Variants in FMO3 observed in about 807,000 individuals in gnomAD.
FMO3 encodes the protein flavin-containing monooxygenase 3.
A neutral mutation model predicts 39.4 loss-of-function variants in FMO3; 40 were observed. The ratio of observed to expected loss-of-function variants is 1.02; its 90% confidence interval spans 0.79 to 1.32. The LOEUF (loss-of-function observed/expected upper bound fraction) is 1.32. FMO3 is among the 40% of genes most tolerant of loss of function. The pLI is 0.00. For missense variants in FMO3, 680 were observed against 651.8 expected (o/e 1.04, Z -0.47); for synonymous variants, 219 against 228.8 (o/e 0.96, Z 0.39).
At chr1:171,096,089 TA>T (rs1655015181) in intron 2 of FMO3, among the ~76,000 whole-genome samples, 2 of 46,262 alleles carry the variant, frequency 4.3e-5, no homozygotes, top group Admixed American at 3.5e-4. Context: ...TAATATATAT[TA>T]ATATTTTTAT....
At chr1:171,100,861 G>C in intron 2 of FMO3, 1 of 279,282 alleles carries the variant, frequency 3.6e-6, no homozygotes, top group Non-Finnish European at 7.2e-6. Context: ...TTACTTACAA[G>C]AGAAAAGGGT....
intron 6 of FMO3, among the ~76,000 whole-genome samples, chr1:171,113,115 A>G (rs899084508): frequency 1.3e-5 from 2 of 152,220 alleles, no homozygotes; most frequent in African/African-American, 4.8e-5. Context: ...TTTGTTCTCC[A>G]GTGGAATCTG....
Position 171,101,676 on chromosome 1 carries a change from C to G in FMO3, c.133-2109C>G, listed in dbSNP as rs149142352. 2,144 of 485,096 alleles carry G rather than the reference C, an allele frequency of 4.4e-3. 18 individuals carry two copies. The highest frequency in any genetic ancestry group is 5.9e-3 in the Non-Finnish European group (1,379 of 232,724). 30.0% of individuals were successfully genotyped at this position (485,096 alleles called of 1,614,324 possible). ...TGCCCTTCTAGTTCTGACTTCTAAC[C>G]CTGATCTAGAGCCACGATGATGTAT... On this transcript the variant is annotated intron_variant, in intron 2 of 8. Transcript: ENST00000367755.
Position 171,117,586 on chromosome 1 carries a change from T to C in FMO3, c.*144T>C, listed in dbSNP as rs1571230819. ...CTGTAGACATTAGTCAGTAATACAGTGTTATTTCTAGGCTCTGAAATAGCC... is the reference window on the plus strand; with the variant it reads ...CTGTAGACATTAGTCAGTAATACAGCGTTATTTCTAGGCTCTGAAATAGCC... On this transcript the variant is annotated 3_prime_UTR_variant, in exon 9 of 9. Coordinates refer to ENST00000367755, the MANE Select transcript of FMO3 (RefSeq NM_001002294.3). The C allele has an allele frequency of 3.2e-6, 2 of 621,392 alleles. No individual in the cohort carries two copies. The highest frequency in any genetic ancestry group is 5.5e-5 in the East Asian group (2 of 36,446). The allele number at this position is 621,392 out of a possible 1,614,324, so 38.5% of individuals were successfully genotyped here.
chr1:171,096,063 AT>A lies in FMO3; in HGVS notation c.132+3275del, dbSNP rs373228386. Among the ~76,000 whole-genome samples, 64 of 55,070 alleles carry A rather than the reference AT, an allele frequency of 1.2e-3. 1 individual carries two copies. Among genetic ancestry groups the A allele is most frequent in the South Asian group, 2.0e-3 (3 of 1,526 alleles). The allele number at this position is 55,070 out of a possible 152,430, so 36.1% of individuals were successfully genotyped here. A position where few individuals can be genotyped will look rare whatever the true frequency, so the allele number is the denominator to read the frequency against. On this transcript the variant is annotated intron_variant, in intron 2 of 8. Transcript: ENST00000367755. ...TATTATATATAAATATATAATATAT[AT>A]TATATATTAATATATAATATATATT...
intron 1 of FMO3, 117 bp downstream of exon 1, chr1:171,091,098 T>C (rs754551740): frequency 2.6e-5 from 4 of 152,260 alleles, no homozygotes; most frequent in Non-Finnish European, 2.9e-5. Context: ...TAGTGGTGCA[T>C]GCCTGTAATC....
At chr1:171,107,577 A>T in intron 3 of FMO3, 98 bp from the exon 4 acceptor site, 1 of 865,570 alleles carries the variant, frequency 1.2e-6, no homozygotes, top group Non-Finnish European at 1.9e-6. Flanking sequence ...CTTAATCATT[A>T]AATATTTTTC....
Position 171,098,269 on chromosome 1 carries a change from T to C in FMO3, c.132+5479T>C, listed in dbSNP as rs535650298. On this transcript the variant is annotated intron_variant, in intron 2 of 8. Coordinates refer to ENST00000367755, the MANE Select transcript of FMO3 (RefSeq NM_001002294.3). Reference sequence around the variant, plus strand: ...TTTTGGCTTAGGATTGACTTGGCAATGCGGGCTCTTTTTTGGTTCCATATG... The same window carrying C: ...TTTTGGCTTAGGATTGACTTGGCAACGCGGGCTCTTTTTTGGTTCCATATG... Among the ~76,000 whole-genome samples, 8 of 152,342 alleles carry C rather than the reference T, an allele frequency of 5.3e-5. No individual in the cohort carries two copies. In the South Asian group the frequency reaches 1.7e-3, roughly 32 times the overall value.
intron 3 of FMO3, 129 bp from the exon 4 acceptor site, chr1:171,107,546 T>C: frequency 1.4e-6 from 1 of 727,160 alleles, no homozygotes; most frequent in South Asian, 1.6e-5. Context: ...TCTGAGGGAA[T>C]TTTAAATTTG....
intron 6 of FMO3, among the ~76,000 whole-genome samples, chr1:171,111,292 G>T (rs1265774076): frequency 6.6e-6 from 1 of 152,066 alleles, no homozygotes; most frequent in African/African-American, 2.4e-5. Flanking sequence ...CTCTGCTAAG[G>T]CTCTGGCATA....
chr1:171,109,182 T>C (rs566080645), intron 5 of FMO3, among the ~76,000 whole-genome samples: 1 of 152,298 alleles, frequency 6.6e-6, no homozygotes, highest in Admixed American at 6.5e-5. Context: ...AATTGTCTTC[T>C]TGAAAGTCAT....
At position 171,103,229 on chromosome 1, in the gene FMO3, ATT is replaced by A. The variant is rs767851491; in HGVS notation, c.133-554_133-553del. 3.7e-4 allele frequency among the ~76,000 whole-genome samples: 57 copies of A among 152,316 alleles called. No individual in the cohort carries two copies. The Middle Eastern group carries it at 0.01, about 27-fold the overall frequency. On this transcript the variant is annotated intron_variant, in intron 2 of 8. Coordinates refer to ENST00000367755, the MANE Select transcript of FMO3 (RefSeq NM_001002294.3). The stretch of plus-strand genomic sequence containing the variant: ...CCTAAAGGACATAATGAAATTTAAA[ATT>A]TGTTTCCCTTAGAAAAGATTAAGAT...
intron 6 of FMO3, among the ~76,000 whole-genome samples, chr1:171,112,745 CTG>C (rs1317060423): frequency 1.3e-5 from 2 of 152,066 alleles, no homozygotes; most frequent in Non-Finnish European, 2.9e-5. Flanking sequence ...AGTTAAAACT[CTG>C]GAGTCATGAG....
intron 2 of FMO3, among the ~76,000 whole-genome samples, chr1:171,096,301 A>G: frequency 1.1e-5 from 1 of 92,742 alleles, no homozygotes; most frequent in South Asian, 3.5e-4. Flanking sequence ...TCTATTATAT[A>G]TCATATATAA....
At chr1:171,094,025 C>T (rs976812346) in intron 2 of FMO3, among the ~76,000 whole-genome samples, 20 of 151,760 alleles carry the variant, frequency 1.3e-4, no homozygotes, top group African/African-American at 4.1e-4. Flanking sequence ...GACAGAGTTT[C>T]GCCATGTTGA....
rs763358926 is a variant in FMO3 at position 171,108,068 on chromosome 1, T to G, written c.485-11T>G. On this transcript the variant is annotated splice_polypyrimidine_tract_variant and intron_variant, in intron 4 of 8. Coordinates refer to ENST00000367755, the MANE Select transcript of FMO3 (RefSeq NM_001002294.3). ...ACTCAAACTGCCATGTATTTCTCAC[T>G]TTTCACTCAGGACTAAACCACTTTA... 5.6e-6 allele frequency: 9 copies of G among 1,613,626 alleles called. No individual in the cohort carries two copies. The highest frequency in any genetic ancestry group is 7.6e-6 in the Non-Finnish European group (9 of 1,179,722).
chr1:171,111,811 T>A (rs1557944863), intron 6 of FMO3, among the ~76,000 whole-genome samples: 2 of 152,208 alleles, frequency 1.3e-5, no homozygotes, highest in Non-Finnish European at 2.9e-5. Context: ...GTGGATATAG[T>A]AGTGGACAAA....
intron 2 of FMO3, among the ~76,000 whole-genome samples, chr1:171,096,072 T>A (rs374066830): frequency 0.11 from 5,778 of 50,650 alleles, 437 homozygotes; most frequent in Middle Eastern, 0.21. Flanking sequence ...TATTATATAT[T>A]AATATATAAT....
Position 171,117,690 on chromosome 1 carries a change from C to T in FMO3, c.*248C>T, listed in dbSNP as rs1272889465. 5.0e-6 allele frequency: 2 copies of T among 398,906 alleles called. No homozygotes were observed. The highest frequency in any genetic ancestry group is 8.1e-5 in the Admixed American group (2 of 24,818). 24.7% of individuals were successfully genotyped at this position (398,906 alleles called of 1,614,324 possible). On this transcript the variant is annotated 3_prime_UTR_variant, in exon 9 of 9. Coordinates refer to ENST00000367755, the MANE Select transcript of FMO3 (RefSeq NM_001002294.3). ...TTCCACTAACACTTCAAAATCAGAACTATGTTCTTTATATCTAACTTAAAT... is the reference window on the plus strand; with the variant it reads ...TTCCACTAACACTTCAAAATCAGAATTATGTTCTTTATATCTAACTTAAAT...
Sources: gnomAD v4.1 joint callset for allele counts (sites outside exome capture counted in the v4.1 genomes callset) on GRCh38, gnomAD v4.1.1 for gene constraint, MANE v1.5 for transcripts, NCBI Gene and HGNC (gene_info 2026-07-23, HGNC 2026-07-21) for gene names.